The following CCDC138 variants were observed in gnomAD, a reference collection of about 807,000 sequenced individuals.
CCDC138 encodes coiled-coil domain-containing protein 138.
A neutral mutation model predicts 82.3 loss-of-function variants in CCDC138; 66 were observed. The ratio of observed to expected loss-of-function variants is 0.80; its 90% CI spans 0.66 to 0.98. The LOEUF (loss-of-function observed/expected upper bound fraction) is 0.98. CCDC138 is among the 50% of genes least tolerant of loss of function. The probability of loss-of-function intolerance (pLI) is 0.00; values close to 1 mark genes in which losing one functional copy is unlikely to be tolerated. For synonymous variants in CCDC138, 297 were observed against 265.4 expected, an observed-to-expected ratio of 1.12 and a Z score of -1.16; for missense variants, 816 against 758.9, an observed-to-expected ratio of 1.08 and a Z score of -0.88.
chr2:108,837,294 G>A (rs1272991537), intron 10 of CCDC138, among the ~76,000 whole-genome samples: 1 of 152,222 alleles, frequency 6.6e-6, no homozygotes, highest in East Asian at 1.9e-4. Context: ...TGAAATAATC[G>A]TGTGGGTTTT....
chr2:108,833,894 A>ATTT (rs749488565), intron 10 of CCDC138, among the ~76,000 whole-genome samples: 2,199 of 79,078 alleles, frequency 0.028, 63 homozygotes, highest in African/African-American at 0.092. Context: ...CGCCCGGCTA[A>ATTT]TTTTTTTTTT....
intron 7 of CCDC138, among the ~76,000 whole-genome samples, chr2:108,805,227 GA>G (rs1048181836): frequency 2.0e-5 from 3 of 151,950 alleles, no homozygotes; most frequent in African/African-American, 7.2e-5. Flanking sequence ...ACAAACAAAA[GA>G]AAAAAACCTG....
chr2:108,879,256 A>T (rs1360821281), downstream of CCDC138, among the ~76,000 whole-genome samples: 1 of 152,240 alleles, frequency 6.6e-6, no homozygotes, highest in African/African-American at 2.4e-5. Flanking sequence ...ACAAGCATGA[A>T]CCAATGTGCC....
downstream of CCDC138, chr2:108,878,505 A>G (rs1411147511): frequency 1.9e-5 from 4 of 215,712 alleles, no homozygotes; most frequent in Admixed American, 4.1e-5. Context: ...TGCTGTATCA[A>G]GGTCACTGTC....
At chr2:108,836,375 A>C (rs1225109015) in intron 10 of CCDC138, among the ~76,000 whole-genome samples, 1 of 152,216 alleles carries the variant, frequency 6.6e-6, no homozygotes, top group African/African-American at 2.4e-5. Flanking sequence ...TTGTTTATGC[A>C]TGAATACCAC....
At chr2:108,839,868 C>T (rs1689173589) in intron 11 of CCDC138, among the ~76,000 whole-genome samples, 1 of 151,402 alleles carries the variant, frequency 6.6e-6, no homozygotes, top group Non-Finnish European at 1.5e-5. Flanking sequence ...TTTCCTTTTC[C>T]TACCTTATTG....
Position 108,873,561 on chromosome 2 carries a change from A to T in CCDC138, c.1804A>T (p.Ile602Phe), listed in dbSNP as rs1206570843. 1 of 1,609,102 alleles carries T rather than the reference A, an allele frequency of 6.2e-7. No homozygotes were observed. The highest frequency in any genetic ancestry group is 1.7e-5 in the Admixed American group (1 of 59,208). Residue 602 changes from isoleucine (I) to phenylalanine (F), a missense_variant, in exon 14 of 15, where the codon ATT becomes TTT. Ile to Phe is a conservative substitution (Grantham distance 21, BLOSUM62 0). Coordinates refer to ENST00000295124, the MANE Select transcript of CCDC138 (RefSeq NM_144978.3). The part of the protein sequence containing the change: ...LDLQILEKLS[I>F]ILQKLSKIKS... ...TCTTCAAATACTAGAAAAACTCAGTATTATTTTACAGAAACTTTCCAAAAT... is the reference window on the plus strand; with the variant it reads ...TCTTCAAATACTAGAAAAACTCAGTTTTATTTTACAGAAACTTTCCAAAAT...
Position 108,846,780 on chromosome 2 carries a change from A to G in CCDC138, c.1366A>G (p.Ile456Val), listed in dbSNP as rs1315258243. The change falls in exon 12 of 15, where the codon ATT (isoleucine) becomes GTT (valine). Residue 456 changes from isoleucine to valine, a missense_variant. Ile to Val is a conservative substitution (Grantham distance 29). Transcript: ENST00000295124. The part of the protein sequence containing the change: ...TSTLRRLGED[I>V]FKGVVTKGIQ... ...AACATTGAGGAGATTGGGTGAAGAC[A>G]TTTTTAAAGGAGTGGTAACTAAAGG... 1 of 1,613,084 alleles carries G rather than the reference A, an allele frequency of 6.2e-7. No individual in the cohort carries two copies. The highest frequency in any genetic ancestry group is 8.5e-7 in the Non-Finnish European group (1 of 1,179,294).
intron 10 of CCDC138, among the ~76,000 whole-genome samples, chr2:108,833,211 A>G (rs1173220022): frequency 1.3e-5 from 2 of 152,358 alleles, no homozygotes; most frequent in East Asian, 1.9e-4. Flanking sequence ...TCTGTAGACT[A>G]TACAACAGAG....
chr2:108,787,365 C>G (rs867596680), intron 1 of CCDC138, among the ~76,000 whole-genome samples: 10 of 152,356 alleles, frequency 6.6e-5, no homozygotes, highest in African/African-American at 2.4e-4. Context: ...GTTCTCTCCC[C>G]TTCCCTCCCT....
chr2:108,817,383 C>T (rs535343815), intron 10 of CCDC138, among the ~76,000 whole-genome samples: 68 of 152,080 alleles, frequency 4.5e-4, no homozygotes, highest in Non-Finnish European at 8.2e-4. Context: ...GCCTCCACCT[C>T]CCGGGTTCAA....
chr2:108,788,018 C>CT lies in CCDC138; in HGVS notation c.94-3dup, dbSNP rs5833305. 0.28 allele frequency: 330,571 copies of CT among 1,171,588 alleles called. 12,825 individuals carry two copies. The highest frequency in any genetic ancestry group is 0.36 in the African/African-American group (22,153 of 62,282). 72.6% of individuals were successfully genotyped at this position (1,171,588 alleles called of 1,614,324 possible). A position where few individuals can be genotyped will look rare whatever the true frequency, so the allele number is the denominator to read the frequency against. On this transcript the variant is annotated splice_polypyrimidine_tract_variant and intron_variant, in intron 1 of 14. Coordinates refer to ENST00000295124, the MANE Select transcript of CCDC138 (RefSeq NM_144978.3). Reference sequence around the variant, plus strand: ...TTTTAGTATACAAATTAAATCTTTTCTTTTTTTTTTTAGTATGATTTTTCA... The same window carrying CT: ...TTTTAGTATACAAATTAAATCTTTTCTTTTTTTTTTTTAGTATGATTTTTCA...
chr2:108,826,228 A>G (rs1186138080), intron 10 of CCDC138, among the ~76,000 whole-genome samples: 1 of 152,178 alleles, frequency 6.6e-6, no homozygotes, highest in Non-Finnish European at 1.5e-5. Flanking sequence ...CTTTCTGGAT[A>G]GTATCCTTTG....
At chr2:108,799,229 T>G (rs1286973279) in intron 6 of CCDC138, among the ~76,000 whole-genome samples, 5 of 152,234 alleles carry the variant, frequency 3.3e-5, no homozygotes, top group Non-Finnish European at 7.3e-5. Flanking sequence ...GTAACGATAA[T>G]ATGTAGACAA....
At chr2:108,798,335 C>A in intron 5 of CCDC138, 93 bp from the exon 6 acceptor site, 9 of 1,423,976 alleles carry the variant, frequency 6.3e-6, no homozygotes, top group Non-Finnish European at 8.6e-6. Context: ...TTCCTGAAAA[C>A]CACTTGGTTA....
At chr2:108,864,993 CTCATAATT>C (rs1377631747) in intron 13 of CCDC138, among the ~76,000 whole-genome samples, 1 of 151,976 alleles carries the variant, frequency 6.6e-6, no homozygotes, top group Non-Finnish European at 1.5e-5. Context: ...ATTCACATAT[CTCATAATT>C]TCAAAAGTAC....
chr2:108,832,344 C>CTTTT (rs1179620383), intron 10 of CCDC138, among the ~76,000 whole-genome samples: 56 of 122,166 alleles, frequency 4.6e-4, no homozygotes, highest in Non-Finnish European at 7.6e-4. Context: ...GTATTTCTTT[C>CTTTT]TTTTTTTTTT....
chr2:108,875,489 GTC>G (rs927672314), intron 14 of CCDC138, among the ~76,000 whole-genome samples: 3 of 152,028 alleles, frequency 2.0e-5, no homozygotes, highest in African/African-American at 7.2e-5. Flanking sequence ...TCAAATGTTT[GTC>G]TGTTTTGCTA....
intron 1 of CCDC138, among the ~76,000 whole-genome samples, chr2:108,787,445 T>C (rs1457309948): frequency 6.6e-6 from 1 of 152,212 alleles, no homozygotes; most frequent in Non-Finnish European, 1.5e-5. Flanking sequence ...TACCTCTGAA[T>C]AGAAATAACT....
Sources: allele counts gnomAD v4.1 joint callset (sites outside exome capture counted in the v4.1 genomes callset), GRCh38; gene constraint gnomAD v4.1.1; transcripts MANE v1.5; gene names NCBI Gene and HGNC (gene_info 2026-07-23, HGNC 2026-07-21).